FMN2: variants seen among roughly 807,000 people sequenced by gnomAD.
The protein encoded by FMN2 is formin 2, also known as formin-2.
Under a neutral mutation model 142.3 loss-of-function variants are expected in FMN2, and 51 were observed. The ratio of observed to expected loss-of-function variants is 0.36; its 90% CI spans 0.29 to 0.45. The LOEUF (loss-of-function observed/expected upper bound fraction) is 0.45, where lower values mean the gene tolerates loss of function less well. Ranked by LOEUF, FMN2 falls within the 20% of genes least tolerant of loss-of-function variation. The pLI, the probability that FMN2 is intolerant of heterozygous loss-of-function variation, is 1.00. For missense variants in FMN2, 1,936 were observed against 2,122.8 expected (o/e 0.91, Z 1.73); for synonymous variants, 882 against 869.8 (o/e 1.01, Z -0.25).
Position 240,208,040 on chromosome 1 carries a change from T to A in FMN2, c.3228T>A (p.Pro1076=), listed in dbSNP as rs773918805. 1.2e-5 allele frequency: 4 copies of A among 331,392 alleles called. No homozygotes were observed. The highest frequency in any genetic ancestry group is 8.4e-4 in the Middle Eastern group (1 of 1,186). 20.5% of individuals were successfully genotyped at this position (331,392 alleles called of 1,614,324 possible). The stretch of plus-strand genomic sequence containing the variant: ...CTCTACCCGGAGCGGGCATACCCCC[T>A]CCGCCCCCACTTCCCGGAGCGGGCA... ...PPPLPGAGIP[P]PPPLPGAGIP... is the part of the protein sequence containing the mutation. The change falls in exon 5 of 18, where the codon CCT becomes CCA. Residue 1076 remains proline, a synonymous_variant. Transcript: ENST00000319653.
Position 240,093,713 on chromosome 1 carries a change from A to G in FMN2, c.1604A>G (p.Asn535Ser). The G allele has an allele frequency of 7.3e-7, 1 of 1,368,046 alleles. No individual in the cohort carries two copies. The highest frequency in any genetic ancestry group is 9.4e-7 in the Non-Finnish European group (1 of 1,067,972). 84.7% of individuals were successfully genotyped at this position (1,368,046 alleles called of 1,614,324 possible). The change falls in exon 1 of 18, where the codon AAC (asparagine) becomes AGC (serine). Residue 535 changes from asparagine (N) to serine (S), a missense_variant. Around this residue, in one of 8 missense-constraint regions of FMN2, gnomAD observed 751 missense variants for 791.8 expected, o/e 0.95. Coordinates refer to ENST00000319653, the MANE Select transcript of FMN2 (RefSeq NM_020066.5). ...CCCGCGGCTGCGGATGGCTTCCAGA[A>G]CGTGTTCACAGGTGAGCGCGCCCTG... is the stretch of plus-strand genomic sequence containing the variant. ...GAPAAADGFQ[N>S]VFTGRTLLEK...
chr1:240,207,459 C>A lies in FMN2; in HGVS notation c.2647C>A (p.Leu883Ile). Residue 883 changes from leucine (L) to isoleucine (I), a missense_variant, in exon 5 of 18, where the codon CTC becomes ATC. Transcript: ENST00000319653. ...CATGGTGCCTCCCCCACCTCCCCCT[C>A]TCCCTGGCATGACAGTGCCTACTCT... ...LGMVPPPPPP[L>I]PGMTVPTLPS... 1 of 1,613,510 alleles carries A rather than the reference C, an allele frequency of 6.2e-7. No individual in the cohort carries two copies. Among genetic ancestry groups the A allele is most frequent in the Non-Finnish European group, 8.5e-7 (1 of 1,179,752 alleles).
intron 7 of FMN2, among the ~76,000 whole-genome samples, chr1:240,282,987 A>G (rs1018433883): frequency 5.9e-5 from 9 of 152,152 alleles, no homozygotes; most frequent in African/African-American, 1.7e-4. Flanking sequence ...TCAGCATTCT[A>G]TTCCTTAGAA....
intron 2 of FMN2, chr1:240,143,176 G>A (rs911984682): frequency 1.2e-5 from 19 of 1,582,188 alleles, no homozygotes; most frequent in African/African-American, 8.1e-5. Context: ...GCAGCCAGAC[G>A]GGCATTATTG....
At chr1:240,217,584 A>G (rs1572078506) in intron 6 of FMN2, among the ~76,000 whole-genome samples, 1 of 152,210 alleles carries the variant, frequency 6.6e-6, no homozygotes, top group African/African-American at 2.4e-5. Context: ...ATAGAAAACC[A>G]CATCAAAATT....
intron 15 of FMN2, among the ~76,000 whole-genome samples, chr1:240,424,119 G>A (rs1674858308): frequency 6.6e-6 from 1 of 152,118 alleles, no homozygotes; most frequent in Non-Finnish European, 1.5e-5. Context: ...TTAAACAGGT[G>A]GCAGGAAGCT....
rs540381777 is a variant in FMN2 at position 240,108,929 on chromosome 1, A to G, written c.1616-14250A>G. On this transcript the variant is annotated intron_variant, in intron 1 of 17. Transcript: ENST00000319653. ...CGAGAGCCTGTAATCCCAGCTACTC[A>G]GGAGGCTGAGGCAGGAGAATCACTT... 4.2e-3 allele frequency among the ~76,000 whole-genome samples: 633 copies of G among 152,180 alleles called. 5 individuals carry two copies. Among genetic ancestry groups the G allele is most frequent in the African/African-American group, 0.015 (611 of 41,538 alleles).
chr1:240,200,887 C>A (rs10926165), intron 4 of FMN2, among the ~76,000 whole-genome samples: 46,138 of 151,908 alleles, frequency 0.3, 7,210 homozygotes, highest in Middle Eastern at 0.41. Flanking sequence ...AGTCTGTTAT[C>A]ATCTTTATGA....
chr1:240,127,064 A>G (rs1356919453), intron 2 of FMN2, among the ~76,000 whole-genome samples: 1 of 151,914 alleles, frequency 6.6e-6, no homozygotes, highest in African/African-American at 2.4e-5. Flanking sequence ...AGATGAGGAC[A>G]GCAAGGGCTC....
rs1214605635 is a variant in FMN2, at chr1:240,383,887, A to AAT, written c.4859-8609_4859-8608dup. Among the ~76,000 whole-genome samples, 461 of 150,308 alleles carry AAT rather than the reference A, an allele frequency of 3.1e-3. 2 individuals are homozygous for AAT. The highest frequency in any genetic ancestry group is 9.8e-3 in the African/African-American group (404 of 41,110). On this transcript the variant is annotated intron_variant, in intron 14 of 17. Coordinates refer to ENST00000319653, the MANE Select transcript of FMN2 (RefSeq NM_020066.5). ...AACAGATGACTGGAGAAAGAAAAAA[A>AAT]ATATATATATATATATTCTTTATAT...
intron 14 of FMN2, among the ~76,000 whole-genome samples, chr1:240,386,008 G>A (rs1673394919): frequency 6.6e-6 from 1 of 152,132 alleles, no homozygotes; most frequent in Admixed American, 6.5e-5. Flanking sequence ...CCTCCTAGGA[G>A]TATTCCACAA....
At chr1:240,408,049 A>C (rs372909979) in intron 15 of FMN2, among the ~76,000 whole-genome samples, 2 of 152,292 alleles carry the variant, frequency 1.3e-5, no homozygotes, top group South Asian at 2.1e-4. Flanking sequence ...ACAGCTCCCA[A>C]AGTTGACTAG....
chr1:240,295,558 C>A (rs916910970), intron 8 of FMN2, among the ~76,000 whole-genome samples: 1 of 149,974 alleles, frequency 6.7e-6, no homozygotes, highest in African/African-American at 2.5e-5. Flanking sequence ...TAGCATTATG[C>A]CCTCCAGGTT....
rs1666416894 is a variant in FMN2 at position 240,207,536 on chromosome 1, G to GCCCCCC, written c.2726_2727insCCCCCC (p.Pro913_Pro914dup). 6.2e-7 allele frequency: 1 copy of GCCCCCC among 1,610,358 alleles called. No homozygotes were observed. Among genetic ancestry groups the GCCCCCC allele is most frequent in the African/African-American group, 1.4e-5 (1 of 72,278 alleles). On this transcript the variant is annotated inframe_insertion, in exon 5 of 18. Transcript: ENST00000319653. ...CTCCTCTGCAGGGTACAGAAATGCTGCCACCCCCTCCCCCTCCTCTTCCCG... is the reference window on the plus strand; with the variant it reads ...CTCCTCTGCAGGGTACAGAAATGCTGCCCCCCCCACCCCCTCCCCCTCCTCTTCCCG...
At chr1:240,329,596 C>T (rs75147245) in intron 10 of FMN2, 128 bp downstream of exon 10, 30,848 of 1,219,824 alleles carry the variant, frequency 0.025, 485 homozygotes, top group Non-Finnish European at 0.031. Flanking sequence ...CGCAGTCCCA[C>T]AGAAGGGAAC....
chr1:240,144,150 G>A, intron 2 of FMN2: 1 of 1,334,358 alleles, frequency 7.5e-7, no homozygotes, highest in Non-Finnish European at 1.1e-6. Flanking sequence ...AGATGCAGCT[G>A]CACTCAACAT....
chr1:240,409,153 A>AT (rs1440897004), intron 15 of FMN2, among the ~76,000 whole-genome samples: 1 of 151,570 alleles, frequency 6.6e-6, no homozygotes, highest in Non-Finnish European at 1.5e-5. Context: ...TTTACTTTTT[A>AT]TTTTTTTGAG....
chr1:240,173,290 C>G (rs1040296565), intron 2 of FMN2, among the ~76,000 whole-genome samples: 1 of 152,118 alleles, frequency 6.6e-6, no homozygotes, highest in Non-Finnish European at 1.5e-5. Flanking sequence ...GGGAGATTTA[C>G]AAGACCTGTG....
intron 4 of FMN2, among the ~76,000 whole-genome samples, chr1:240,200,779 T>G (rs1249473037): frequency 6.6e-6 from 1 of 150,902 alleles, no homozygotes; most frequent in African/African-American, 2.4e-5. Context: ...AAGAAGCAGA[T>G]AGTTTGTTGC....
Sources: gnomAD v4.1 joint callset for allele counts (sites outside exome capture counted in the v4.1 genomes callset) on GRCh38, gnomAD v4.1.1 for gene constraint, gnomAD v4.1.1 regional missense constraint, MANE v1.5 for transcripts, NCBI Gene and HGNC (gene_info 2026-07-23, HGNC 2026-07-21) for gene names.